Variants in TRDN observed in about 807,000 individuals in gnomAD.
The protein encoded by TRDN is triadin, also known as triadin in skeletal muscle.
In TRDN, 161 loss-of-function variants were observed where a neutral mutation model predicts 149.7. That is an observed-to-expected ratio of 1.08 (90% CI 0.95 to 1.23). TRDN has a LOEUF of 1.23. TRDN is among the 50% of genes most tolerant of loss of function. The pLI, the probability that TRDN is intolerant of heterozygous loss-of-function variation, is 0.00. For synonymous variants in TRDN, 294 were observed against 250.5 expected (o/e 1.17, Z -1.64); for missense variants, 896 against 823.5 (o/e 1.09, Z -1.08).
At chr6:123,335,695 T>C (rs1319749748) in intron 22 of TRDN, among the ~76,000 whole-genome samples, 1 of 151,900 alleles carries the variant, frequency 6.6e-6, no homozygotes, top group Non-Finnish European at 1.5e-5. Flanking sequence ...AGCTTTGGAG[T>C]TAAGCCCCAA....
chr6:123,355,991 C>T (rs1780654904), intron 20 of TRDN, among the ~76,000 whole-genome samples: 1 of 151,754 alleles, frequency 6.6e-6, no homozygotes, highest in Non-Finnish European at 1.5e-5. Context: ...AGAAAACTTG[C>T]TAGTCACTCA....
At chr6:123,248,180 A>G (rs1776251164) in intron 38 of TRDN, among the ~76,000 whole-genome samples, 1 of 152,182 alleles carries the variant, frequency 6.6e-6, no homozygotes, top group African/African-American at 2.4e-5. Context: ...CAAAACAGCC[A>G]GCTAGCCTAA....
At chr6:123,583,544 C>T (rs151338574) in intron 1 of TRDN, among the ~76,000 whole-genome samples, 14,754 of 143,088 alleles carry the variant, frequency 0.1, 937 homozygotes, top group African/African-American at 0.17. Flanking sequence ...GATGGAGGAC[C>T]GTAAGGGATA....
At chr6:123,536,723 A>C (rs1325511446) in intron 4 of TRDN, among the ~76,000 whole-genome samples, 1 of 150,684 alleles carries the variant, frequency 6.6e-6, no homozygotes, top group Non-Finnish European at 1.5e-5. Context: ...ATAAATAAAT[A>C]AATAAATAAA....
chr6:123,441,912 T>C (rs576479517), intron 10 of TRDN: 2 of 152,350 alleles, frequency 1.3e-5, no homozygotes, highest in East Asian at 3.9e-4. Context: ...AACTGATGTA[T>C]TCCTGGTTCC....
At chr6:123,607,240 T>G (rs546491397) in intron 1 of TRDN, among the ~76,000 whole-genome samples, 1 of 152,320 alleles carries the variant, frequency 6.6e-6, no homozygotes, top group African/African-American at 2.4e-5. Context: ...ATTTTAATTC[T>G]GCTAATTTGG....
chr6:123,288,887 T>G (rs1407845293), intron 24 of TRDN, among the ~76,000 whole-genome samples: 1 of 151,844 alleles, frequency 6.6e-6, no homozygotes, highest in Non-Finnish European at 1.5e-5. Context: ...TTCACGTCTG[T>G]TATATCCAAA....
intron 9 of TRDN, among the ~76,000 whole-genome samples, chr6:123,496,552 G>A (rs2114811215): frequency 6.6e-6 from 1 of 152,148 alleles, no homozygotes; most frequent in East Asian, 1.9e-4. Flanking sequence ...CATAGTACAA[G>A]CAATCAAGTT....
intron 14 of TRDN, among the ~76,000 whole-genome samples, chr6:123,385,942 A>T (rs1337313082): frequency 6.6e-6 from 1 of 151,460 alleles, no homozygotes; most frequent in Admixed American, 6.6e-5. Flanking sequence ...CCTAGTAGTT[A>T]AAAAAAAATC....
At chr6:123,231,781 A>G (rs567968450) in intron 38 of TRDN, among the ~76,000 whole-genome samples, 3 of 152,144 alleles carry the variant, frequency 2.0e-5, no homozygotes, top group Non-Finnish European at 4.4e-5. Context: ...GAGAAACAGT[A>G]AAAGCCTACA....
chr6:123,492,706 G>A (rs764899602), intron 9 of TRDN, among the ~76,000 whole-genome samples: 5 of 151,924 alleles, frequency 3.3e-5, no homozygotes, highest in East Asian at 1.9e-4. Flanking sequence ...TAAATCTGGC[G>A]GAATATACCT....
intron 12 of TRDN, among the ~76,000 whole-genome samples, chr6:123,404,550 G>A (rs1209781615): frequency 6.6e-6 from 1 of 152,258 alleles, no homozygotes; most frequent in African/African-American, 2.4e-5. Flanking sequence ...CCAAGTACAA[G>A]TAATTCTTCT....
At chr6:123,415,482 G>A (rs1262399489) in intron 12 of TRDN, among the ~76,000 whole-genome samples, 1 of 152,176 alleles carries the variant, frequency 6.6e-6, no homozygotes, top group Admixed American at 6.5e-5. Context: ...AAGGCTCAAA[G>A]CCAGACAGTC....
rs564644664 is a variant in TRDN, at chr6:123,565,798, G to A, written c.232+5125C>T. ...GTCTCCAAATCCTGGCCAGGTGCGC[G>A]TGCAGTTCCGTGGGGGAAAGGCGTC... On this transcript the variant is annotated intron_variant, in intron 2 of 40. Coordinates refer to ENST00000334268, the MANE Select transcript of TRDN (RefSeq NM_006073.4). Among the ~76,000 whole-genome samples, 99 of 152,298 alleles carry A rather than the reference G, an allele frequency of 6.5e-4. 2 individuals carry two copies. Among genetic ancestry groups the A allele is most frequent in the Admixed American group, 2.6e-4 (4 of 15,298 alleles).
intron 38 of TRDN, among the ~76,000 whole-genome samples, chr6:123,237,808 A>G (rs905076921): frequency 1.3e-5 from 2 of 152,202 alleles, no homozygotes. Context: ...GTATGTCACA[A>G]TAAGAAGAAA....
In TRDN at chr6:123,622,728, C is replaced by T. The variant is rs183183065; in HGVS notation, c.22+14026G>A. ...TTTACACTTGTATATAGAGTTCTTG[C>T]GCATTTTGGCCTCTAGCTCAGTATT... On this transcript the variant is annotated intron_variant, in intron 1 of 40. Coordinates refer to ENST00000334268, the MANE Select transcript of TRDN (RefSeq NM_006073.4). 1.7e-3 allele frequency among the ~76,000 whole-genome samples: 265 copies of T among 152,140 alleles called. 1 individual carries two copies. Among genetic ancestry groups the T allele is most frequent in the Non-Finnish European group, 2.7e-3 (182 of 67,990 alleles).
chr6:123,499,702 T>TAAAAAA (rs1778598982), intron 8 of TRDN, among the ~76,000 whole-genome samples: 1 of 5,624 alleles, frequency 1.8e-4, no homozygotes, highest in Non-Finnish European at 4.1e-4. Flanking sequence ...AGATTCTGGC[T>TAAAAAA]CAAAAAAAAA....
rs113753981 is a variant in TRDN, at chr6:123,602,420, C to T, written c.23-31288G>A. On this transcript the variant is annotated intron_variant, in intron 1 of 40. Transcript: ENST00000334268. ...AGAATGATACAATGGACTTTGAGGA[C>T]ACAGAGGGAAGGGTTGTAGGGGGGA... 7.7e-3 allele frequency among the ~76,000 whole-genome samples: 1,028 copies of T among 133,348 alleles called. 8 individuals carry two copies. Among genetic ancestry groups the T allele is most frequent in the Non-Finnish European group, 0.011 (668 of 59,468 alleles). 87.5% of individuals were successfully genotyped at this position (133,348 alleles called of 152,430 possible). A position where few individuals can be genotyped will look rare whatever the true frequency, so the allele number is the denominator to read the frequency against.
chr6:123,228,275 G>A (rs1775464176), intron 38 of TRDN, among the ~76,000 whole-genome samples: 1 of 151,932 alleles, frequency 6.6e-6, no homozygotes, highest in South Asian at 2.1e-4. Flanking sequence ...TTAAGACTAT[G>A]GCATTCTGGT....
Sources: allele counts gnomAD v4.1 joint callset (sites outside exome capture counted in the v4.1 genomes callset), GRCh38; gene constraint gnomAD v4.1.1; transcripts MANE v1.5; gene names NCBI Gene and HGNC (gene_info 2026-07-23, HGNC 2026-07-21).